Variants in ZFYVE9 observed in about 807,000 individuals in gnomAD.
The protein encoded by ZFYVE9 is zinc finger FYVE-type containing 9.
In ZFYVE9, 43 loss-of-function variants were observed where a neutral mutation model predicts 126.7. That is an observed-to-expected ratio of 0.34 (90% CI 0.27 to 0.44). The LOEUF (loss-of-function observed/expected upper bound fraction) is 0.44, where lower values mean the gene tolerates loss of function less well. ZFYVE9 is among the 20% of genes least tolerant of loss of function. The pLI is 1.00. For missense variants in ZFYVE9, 1,476 were observed against 1,697.0 expected (o/e 0.87, Z 2.29); for synonymous variants, 521 against 597.4 (o/e 0.87, Z 1.87).
intron 1 of ZFYVE9, among the ~76,000 whole-genome samples, chr1:52,169,248 A>G (rs1292338829): frequency 2.0e-5 from 3 of 152,062 alleles, no homozygotes; most frequent in Admixed American, 6.6e-5. Flanking sequence ...AAAAAATGCA[A>G]AAAAACTAGC....
chr1:52,298,151 T>A (rs559854594), intron 12 of ZFYVE9, among the ~76,000 whole-genome samples: 1 of 152,350 alleles, frequency 6.6e-6, no homozygotes, highest in African/African-American at 2.4e-5. Flanking sequence ...CTTTTTAGTT[T>A]GATGTAATTC....
chr1:52,274,499 G>A lies in ZFYVE9; in HGVS notation c.2661G>A (p.Gln887=), dbSNP rs1009164413. Residue 887 remains glutamine, a synonymous_variant, in exon 8 of 19, where the codon CAG becomes CAA. Coordinates refer to ENST00000287727, the MANE Select transcript of ZFYVE9 (RefSeq NM_004799.4). ...DICLFSGSIT[Q]VGSPVGSAMN... is the part of the protein sequence containing the mutation. ...GTCTATTCTCTGGGAGTATAACTCA[G>A]GTTGGAAGTCCTGTTGGAAGTGCAA... 17 of 1,612,180 alleles carry A rather than the reference G, an allele frequency of 1.1e-5. No individual in the cohort carries two copies. The highest frequency in any genetic ancestry group is 3.3e-5 in the Admixed American group (2 of 60,008).
At chr1:52,319,516 C>T (rs1000861480) in intron 13 of ZFYVE9, among the ~76,000 whole-genome samples, 4 of 151,394 alleles carry the variant, frequency 2.6e-5, no homozygotes, top group Middle Eastern at 3.4e-3. Context: ...CCCAGCTACT[C>T]AGGAGGTTGA....
chr1:52,297,242 CTTTT>C (rs767708782), intron 12 of ZFYVE9, among the ~76,000 whole-genome samples: 3 of 134,074 alleles, frequency 2.2e-5, no homozygotes, highest in Admixed American at 7.5e-5. Flanking sequence ...AAAAACATTT[CTTTT>C]TTTTTTTTTT....
chr1:52,209,995 A>G (rs1000410427), intron 1 of ZFYVE9, among the ~76,000 whole-genome samples: 1 of 152,202 alleles, frequency 6.6e-6, no homozygotes. Flanking sequence ...AAATCTAGGC[A>G]ACAGAAAGAT....
chr1:52,199,943 A>G (rs1644907776), intron 1 of ZFYVE9, among the ~76,000 whole-genome samples: 2 of 151,278 alleles, frequency 1.3e-5, no homozygotes, highest in South Asian at 4.2e-4. Context: ...AATGTGGAGT[A>G]TCTTATCATA....
intron 9 of ZFYVE9, 119 bp from the exon 10 acceptor site, chr1:52,281,542 G>C: frequency 8.7e-7 from 1 of 1,151,316 alleles, no homozygotes. Flanking sequence ...GAATTATACA[G>C]ACTCAGTGTG....
At position 52,293,493 on chromosome 1, in the gene ZFYVE9, A is replaced by G. The variant is rs1569691253; in HGVS notation, c.3066A>G (p.Gln1022=). 3.1e-6 allele frequency: 5 copies of G among 1,614,062 alleles called. No homozygotes were observed. Among genetic ancestry groups the G allele is most frequent in the African/African-American group, 1.3e-5 (1 of 75,020 alleles). The stretch of plus-strand genomic sequence containing the variant: ...ACTTGGGACATTCCTTCTTCAGTCA[A>G]AGTTTCCTTGGCAGTAAAGAACATG... ...VSNLGHSFFS[Q]SFLGSKEHGG... Residue 1022 remains glutamine, a synonymous_variant, in exon 11 of 19, where the codon CAA becomes CAG. Transcript: ENST00000287727.
At chr1:52,202,097 G>A (rs470661) in intron 1 of ZFYVE9, among the ~76,000 whole-genome samples, 72 of 151,990 alleles carry the variant, frequency 4.7e-4, no homozygotes, top group Admixed American at 8.5e-4. Flanking sequence ...AGTGATTATT[G>A]ATATAATCTC....
At chr1:52,149,089 G>C (rs1012991071) in intron 1 of ZFYVE9, among the ~76,000 whole-genome samples, 1 of 147,250 alleles carries the variant, frequency 6.8e-6, no homozygotes, top group African/African-American at 2.5e-5. Context: ...CCAGCCTCTC[G>C]AGTAGCTGTT....
At chr1:52,252,711 A>G (rs906534458) in intron 4 of ZFYVE9, 9 of 442,992 alleles carry the variant, frequency 2.0e-5, no homozygotes, top group East Asian at 7.0e-5. Context: ...GTTGCAAAAC[A>G]TAACAGCCTG....
intron 15 of ZFYVE9, among the ~76,000 whole-genome samples, chr1:52,337,409 G>C (rs553248094): frequency 7.2e-5 from 11 of 152,360 alleles, no homozygotes; most frequent in African/African-American, 2.6e-4. Flanking sequence ...TCATAGTAAG[G>C]TGAGAGAGAT....
chr1:52,292,259 G>T (rs1173176566), intron 10 of ZFYVE9, among the ~76,000 whole-genome samples: 1 of 148,684 alleles, frequency 6.7e-6, no homozygotes, highest in Non-Finnish European at 1.5e-5. Flanking sequence ...CTCCAGCCTG[G>T]GTGGCAGAGC....
intron 1 of ZFYVE9, among the ~76,000 whole-genome samples, chr1:52,198,127 T>G (rs199845977): frequency 8.5e-6 from 1 of 117,130 alleles, no homozygotes; most frequent in African/African-American, 4.1e-5. Context: ...TTTGTTTGTT[T>G]TTTTTTTTTT....
chr1:52,300,255 A>G (rs896786081), intron 12 of ZFYVE9, among the ~76,000 whole-genome samples: 1 of 152,114 alleles, frequency 6.6e-6, no homozygotes, highest in African/African-American at 2.4e-5. Context: ...ACTCCAGTCA[A>G]CCATCTTGCT....
intron 12 of ZFYVE9, among the ~76,000 whole-genome samples, chr1:52,303,134 A>G (rs905522840): frequency 2.6e-5 from 4 of 152,088 alleles, no homozygotes; most frequent in Non-Finnish European, 4.4e-5. Flanking sequence ...AACTGTTAAC[A>G]TCCTGGTCTA....
At position 52,281,723 on chromosome 1, in the gene ZFYVE9, A is replaced by G. The variant is rs757125444; in HGVS notation, c.2932A>G (p.Ile978Val). ...AATGCATGCAGTGGGTCAGTCTGAG[A>G]TAGTCATTCTTCTACAGTGTTTACC... ...KGMHAVGQSE[I>V]VILLQCLPDE... Residue 978 changes from isoleucine to valine, a missense_variant, in exon 10 of 19, where the codon ATA (isoleucine) becomes GTA (valine). Physicochemically the swap from Ile to Val is conservative, Grantham distance 29. Coordinates refer to ENST00000287727, the MANE Select transcript of ZFYVE9 (RefSeq NM_004799.4). 6.2e-7 allele frequency: 1 copy of G among 1,614,058 alleles called. No individual in the cohort carries two copies. The highest frequency in any genetic ancestry group is 8.5e-7 in the Non-Finnish European group (1 of 1,180,040).
intron 4 of ZFYVE9, among the ~76,000 whole-genome samples, chr1:52,242,864 T>C (rs1038624344): frequency 1.3e-5 from 2 of 152,204 alleles, no homozygotes; most frequent in Non-Finnish European, 1.5e-5. Context: ...GAACCAACAT[T>C]TAGATTAATC....
At chr1:52,299,792 G>A (rs557693111) in intron 12 of ZFYVE9, among the ~76,000 whole-genome samples, 1 of 152,326 alleles carries the variant, frequency 6.6e-6, no homozygotes, top group African/African-American at 2.4e-5. Context: ...AGTGGCAATT[G>A]GCCCCCAGGC....
Sources: gnomAD v4.1 joint callset for allele counts (sites outside exome capture counted in the v4.1 genomes callset) on GRCh38, gnomAD v4.1.1 for gene constraint, MANE v1.5 for transcripts, NCBI Gene and HGNC (gene_info 2026-07-23, HGNC 2026-07-21) for gene names.